The following CRBN variants were observed in gnomAD, a reference collection of about 807,000 sequenced individuals.
CRBN encodes the protein protein cereblon.
In CRBN, 53 loss-of-function variants were observed where a neutral mutation model predicts 62.2. That is an observed-to-expected ratio of 0.85 (90% CI 0.68 to 1.07). CRBN has a LOEUF of 1.07. Among genes scored for constraint, CRBN ranks in the 50% least tolerant of loss-of-function variants. The pLI, the probability that CRBN is intolerant of heterozygous loss-of-function variation, is 0.00. For missense variants in CRBN, 616 were observed against 531.1 expected (o/e 1.16, Z -1.57); for synonymous variants, 208 against 176.1 (o/e 1.18, Z -1.43).
intron 5 of CRBN, among the ~76,000 whole-genome samples, chr3:3,161,988 T>A (rs2126060517): frequency 6.6e-6 from 1 of 152,306 alleles, no homozygotes; most frequent in Non-Finnish European, 1.5e-5. Context: ...AACATTTGTA[T>A]CTAGATAAAA....
At chr3:3,175,465 T>C (rs1454075266) in intron 1 of CRBN, among the ~76,000 whole-genome samples, 196 bp from the exon 2 acceptor site, 1 of 151,822 alleles carries the variant, frequency 6.6e-6, no homozygotes, top group East Asian at 1.9e-4. Flanking sequence ...TTAAGTCAAC[T>C]GTGAATTTTA....
chr3:3,171,215 T>C (rs17027862), intron 4 of CRBN, among the ~76,000 whole-genome samples: 6,290 of 152,304 alleles, frequency 0.041, 199 homozygotes, highest in African/African-American at 0.091. Flanking sequence ...AAGTCACTAA[T>C]GTCAAGACAG....
chr3:3,167,555 G>C, intron 5 of CRBN, 79 bp downstream of exon 5: 1 of 1,376,548 alleles, frequency 7.3e-7, no homozygotes, highest in South Asian at 1.2e-5. Flanking sequence ...AATCATGAAA[G>C]TTGTGTTTCT....
At chr3:3,154,443 G>A (rs1272813587) in intron 7 of CRBN, 4 of 466,012 alleles carry the variant, frequency 8.6e-6, no homozygotes, top group Admixed American at 3.7e-5. Flanking sequence ...AAGGCACCTT[G>A]AAGAACAGGG....
intron 1 of CRBN, among the ~76,000 whole-genome samples, chr3:3,177,832 C>G (rs1405856561): frequency 6.6e-6 from 1 of 152,034 alleles, no homozygotes; most frequent in Non-Finnish European, 1.5e-5. Flanking sequence ...AAATATAAAG[C>G]TTTTTGTTGG....
intron 10 of CRBN, 29 bp downstream of exon 10, chr3:3,152,427 A>AAAAAAAGCAACCACCACCATAATATTAC: frequency 6.2e-7 from 1 of 1,602,312 alleles, no homozygotes; most frequent in South Asian, 1.1e-5. Flanking sequence ...AAAAAAGAAA[A>AAAAAAAGCAACCACCACCATAATATTAC]AAAAAAGCAA....
intron 1 of CRBN, among the ~76,000 whole-genome samples, chr3:3,178,043 G>A (rs1488063895): frequency 6.6e-6 from 1 of 151,686 alleles, no homozygotes; most frequent in Admixed American, 6.6e-5. Context: ...AAAAAACCAC[G>A]CTGACTGTTC....
Position 3,152,150 on chromosome 3 carries a change from AT to A in CRBN, c.1148+305del, listed in dbSNP as rs66844241. On this transcript the variant is annotated intron_variant, in intron 10 of 10. Transcript: ENST00000231948. ...TGTGGAATGAAGGACATTTAAATAA[AT>A]TTTTTTTTTTTTTTAAATAGACAGA... is the stretch of plus-strand genomic sequence containing the variant. 4.8e-4 allele frequency among the ~76,000 whole-genome samples: 71 copies of A among 147,140 alleles called. No individual in the cohort carries two copies. The South Asian group carries it at 6.2e-3, about 13-fold the overall frequency.
intron 3 of CRBN, 124 bp from the exon 4 acceptor site, chr3:3,173,049 T>C: frequency 1.3e-6 from 1 of 764,350 alleles, no homozygotes; most frequent in Non-Finnish European, 2.3e-6. Flanking sequence ...AAAGCTAGGA[T>C]AATTTTATTT....
chr3:3,177,744 T>C (rs906765202), intron 1 of CRBN, among the ~76,000 whole-genome samples: 2 of 152,318 alleles, frequency 1.3e-5, no homozygotes, highest in Admixed American at 1.3e-4. Context: ...TTTTCATAAA[T>C]ATGGCTAAAA....
At chr3:3,169,777 C>G (rs899785714) in intron 4 of CRBN, among the ~76,000 whole-genome samples, 8 of 152,164 alleles carry the variant, frequency 5.3e-5, no homozygotes, top group Admixed American at 1.3e-4. Flanking sequence ...TGGTCTCAGT[C>G]TAGACAGGTA....
In CRBN at chr3:3,167,031, T is replaced by C. The variant is rs116358137; in HGVS notation, c.687+603A>G. On this transcript the variant is annotated intron_variant, in intron 5 of 10. Transcript: ENST00000231948. ...TTATAAATATTAACTATACTTAAAATTGCACATCTCACAAACGAGTAGAAA... is the reference window on the plus strand; with the variant it reads ...TTATAAATATTAACTATACTTAAAACTGCACATCTCACAAACGAGTAGAAA... Among the ~76,000 whole-genome samples the C allele has an allele frequency of 1.8e-3, 277 of 152,178 alleles. 2 individuals carry two copies. The highest frequency in any genetic ancestry group is 6.2e-3 in the African/African-American group (259 of 41,534).
chr3:3,149,940 G>GT (rs1706378993), downstream of CRBN: 1 of 152,140 alleles, frequency 6.6e-6, no homozygotes. Context: ...AAAGAGGTAG[G>GT]TGGCAAAGCA....
intron 9 of CRBN, 29 bp downstream of exon 9, chr3:3,153,395 G>A (rs753929515): frequency 1.7e-6 from 2 of 1,187,074 alleles, no homozygotes; most frequent in African/African-American, 1.5e-5. Context: ...GATAAGGCAA[G>A]TATATTAAAA....
chr3:3,155,262 A>G (rs1706835082), intron 6 of CRBN: 1 of 165,468 alleles, frequency 6.0e-6, no homozygotes, highest in Admixed American at 5.9e-5. Flanking sequence ...CAAAACATGC[A>G]AAAACTCATA....
chr3:3,167,551 G>C, intron 5 of CRBN, 83 bp downstream of exon 5: 1 of 1,362,812 alleles, frequency 7.3e-7, no homozygotes, highest in Non-Finnish European at 1.0e-6. Flanking sequence ...AATGAATCAT[G>C]AAAGTTGTGT....
chr3:3,168,215 C>G lies in CRBN; in HGVS notation c.528-422G>C, dbSNP rs182804599. On this transcript the variant is annotated intron_variant, in intron 4 of 10. Coordinates refer to ENST00000231948, the MANE Select transcript of CRBN (RefSeq NM_016302.4). ...TGCTTAACTCTTACATCTATCCTTT[C>G]TCATAAGTCATCTAATCTAAGTAGA... is the stretch of plus-strand genomic sequence containing the variant. 3.5e-3 allele frequency among the ~76,000 whole-genome samples: 529 copies of G among 152,032 alleles called. 1 individual carries two copies. The highest frequency in any genetic ancestry group is 0.012 in the African/African-American group (495 of 41,358).
intron 4 of CRBN, among the ~76,000 whole-genome samples, chr3:3,170,516 G>A (rs1028070171): frequency 1.3e-5 from 2 of 152,122 alleles, no homozygotes; most frequent in Non-Finnish European, 1.5e-5. Context: ...CAGGTCTGTC[G>A]CTTATTTGCT....
intron 10 of CRBN, 47 bp downstream of exon 10, chr3:3,152,409 T>C: frequency 6.3e-7 from 1 of 1,585,800 alleles, no homozygotes; most frequent in Non-Finnish European, 8.6e-7. Flanking sequence ...TTCTGCCCAA[T>C]TAAGGTAAAA....
Sources: gnomAD v4.1 joint callset for allele counts (sites outside exome capture counted in the v4.1 genomes callset) on GRCh38, gnomAD v4.1.1 for gene constraint, MANE v1.5 for transcripts, NCBI Gene and HGNC (gene_info 2026-07-23, HGNC 2026-07-21) for gene names.